The following UGT2A2 variants were observed in gnomAD, a reference collection of about 807,000 sequenced individuals.
UGT2A2 encodes the protein UDP-glucuronosyltransferase 2A2.
UGT2A2 carries 60 observed loss-of-function variants against 50.7 expected under a neutral mutation model. The ratio of observed to expected loss-of-function variants is 1.18; its 90% confidence interval spans 0.96 to 1.47. UGT2A2 has a LOEUF of 1.47. Ranked by LOEUF, UGT2A2 falls within the 40% of genes most tolerant of loss-of-function variation. The probability of loss-of-function intolerance (pLI) is 0.00; values close to 1 mark genes in which losing one functional copy is unlikely to be tolerated. For missense variants in UGT2A2, 762 were observed against 634.0 expected (o/e 1.20, Z -2.17); for synonymous variants, 242 against 214.6 (o/e 1.13, Z -1.11).
intron 1 of UGT2A2, among the ~76,000 whole-genome samples, chr4:69,618,785 G>A (rs887173169): frequency 6.6e-6 from 1 of 151,738 alleles, no homozygotes; most frequent in Non-Finnish European, 1.5e-5. Flanking sequence ...TTAAAAAATA[G>A]AAGTGAACTT....
chr4:69,625,257 G>A (rs1300617509), intron 1 of UGT2A2, among the ~76,000 whole-genome samples: 1 of 150,360 alleles, frequency 6.7e-6, no homozygotes, highest in African/African-American at 2.4e-5. Context: ...TGATTATGAT[G>A]TGATAGAGGC....
chr4:69,598,067 C>T (rs1437479059), intron 2 of UGT2A2, among the ~76,000 whole-genome samples: 1 of 151,984 alleles, frequency 6.6e-6, no homozygotes, highest in African/African-American at 2.4e-5. Flanking sequence ...ATCCAGTGAC[C>T]TATGGATACG....
chr4:69,607,687 A>G (rs1719738567), intron 1 of UGT2A2, among the ~76,000 whole-genome samples: 1 of 152,252 alleles, frequency 6.6e-6, no homozygotes, highest in Admixed American at 6.5e-5. Flanking sequence ...AAGGGCTAAT[A>G]TCCAGAATCT....
chr4:69,632,535 C>T (rs1721443187), intron 1 of UGT2A2, among the ~76,000 whole-genome samples: 1 of 152,038 alleles, frequency 6.6e-6, no homozygotes, highest in South Asian at 2.1e-4. Context: ...AGGAGGGTGG[C>T]AAACTTCTTA....
chr4:69,618,352 T>C (rs1312432504), intron 1 of UGT2A2, among the ~76,000 whole-genome samples: 1 of 80,458 alleles, frequency 1.2e-5, no homozygotes, highest in African/African-American at 4.2e-5. Context: ...CAGGAACTCA[T>C]ACTAATCAAT....
chr4:69,608,620 G>A (rs1358580697), intron 1 of UGT2A2, among the ~76,000 whole-genome samples: 1 of 151,738 alleles, frequency 6.6e-6, no homozygotes, highest in Non-Finnish European at 1.5e-5. Context: ...AGGGAAGAAG[G>A]AAGGAGGGAA....
chr4:69,615,168 C>T (rs1720301229), intron 1 of UGT2A2, among the ~76,000 whole-genome samples: 1 of 151,982 alleles, frequency 6.6e-6, no homozygotes, highest in African/African-American at 2.4e-5. Context: ...ATATCAATCT[C>T]TATCTCTCAC....
chr4:69,598,287 A>C (rs1340236040), intron 2 of UGT2A2, among the ~76,000 whole-genome samples: 1 of 152,152 alleles, frequency 6.6e-6, no homozygotes, highest in Non-Finnish European at 1.5e-5. Flanking sequence ...ACTTTCTAAA[A>C]AGATTACATT....
chr4:69,600,330 G>C (rs1014177536), intron 1 of UGT2A2, among the ~76,000 whole-genome samples: 1 of 152,214 alleles, frequency 6.6e-6, no homozygotes, highest in Non-Finnish European at 1.5e-5. Flanking sequence ...ACAGAGAAAA[G>C]TCACTCCTAA....
rs576765689 is a variant in UGT2A2 at position 69,600,561 on chromosome 4, C to A, written c.743-1167G>T. ...ATGGCCTGAAAGCCACAGTTTCCATCTCAGTGGGTGTGTTAGGCCTTTCTC... is the reference window on the plus strand; with the variant it reads ...ATGGCCTGAAAGCCACAGTTTCCATATCAGTGGGTGTGTTAGGCCTTTCTC... On this transcript the variant is annotated intron_variant, in intron 1 of 5. Coordinates refer to ENST00000604629, the MANE Select transcript of UGT2A2 (RefSeq NM_001105677.2). Among the ~76,000 whole-genome samples the A allele has an allele frequency of 3.9e-3, 587 of 152,290 alleles. 1 individual carries two copies. The highest frequency in any genetic ancestry group is 4.7e-3 in the Non-Finnish European group (319 of 68,016).
chr4:69,602,780 A>G (rs956745558), intron 1 of UGT2A2, among the ~76,000 whole-genome samples: 2 of 137,646 alleles, frequency 1.5e-5, no homozygotes, highest in African/African-American at 2.9e-5. Flanking sequence ...GTTCACAGAT[A>G]AGAAGATCAA....
chr4:69,633,322 A>C (rs1721490088), intron 1 of UGT2A2, among the ~76,000 whole-genome samples: 1 of 152,188 alleles, frequency 6.6e-6, no homozygotes, highest in African/African-American at 2.4e-5. Flanking sequence ...AACAATACCA[A>C]GTGTTGATGA....
chr4:69,605,457 C>CAAG (rs1405757147), intron 1 of UGT2A2, among the ~76,000 whole-genome samples: 1 of 136,626 alleles, frequency 7.3e-6, no homozygotes, highest in Admixed American at 7.2e-5. Flanking sequence ...TAAATGCCCA[C>CAAG]AGAACAGAGC....
At position 69,589,471 on chromosome 4, in the gene UGT2A2, CAAG is replaced by C; in HGVS notation, c.1509_1511del (p.Phe503del). On this transcript the variant is annotated inframe_deletion, in exon 6 of 6. Transcript: ENST00000604629. Reference sequence around the variant, plus strand: ...ATATAGCCGTTGTCACACAGACCAGCAAGAACCCAATTACATCCAAAGAGTGGT... The same window carrying C: ...ATATAGCCGTTGTCACACAGACCAGCAACCCAATTACATCCAAAGAGTGGT... The C allele has an allele frequency of 6.2e-7, 1 of 1,614,042 alleles. No homozygotes were observed. Among genetic ancestry groups the C allele is most frequent in the African/African-American group, 1.3e-5 (1 of 74,998 alleles).
At position 69,603,055 on chromosome 4, in the gene UGT2A2, A is replaced by C. The variant is rs1455512729; in HGVS notation, c.743-3661T>G. Among the ~76,000 whole-genome samples, 7 of 135,622 alleles carry C rather than the reference A, an allele frequency of 5.2e-5. 1 individual carries two copies. Among genetic ancestry groups the C allele is most frequent in the Non-Finnish European group, 1.1e-4 (7 of 64,060 alleles). 89.0% of individuals were successfully genotyped at this position (135,622 alleles called of 152,430 possible). ...GCAATCCACCCTGGGTGACAGAGAG[A>C]GACTCCATCTAAAAAAAATAAAAAA... On this transcript the variant is annotated intron_variant, in intron 1 of 5. Transcript: ENST00000604629.
rs776950354 is a variant in UGT2A2 at position 69,594,489 on chromosome 4, A to G, written c.1319T>C (p.Ile440Thr). 4.3e-6 allele frequency: 7 copies of G among 1,614,178 alleles called. No individual in the cohort carries two copies. In the South Asian group the frequency reaches 7.7e-5, roughly 18 times the overall value. Residue 440 changes from isoleucine to threonine, a missense_variant, in exon 5 of 6, where the codon ATT becomes ACT. By Grantham distance (89) the Ile-to-Thr change is moderately conservative. Coordinates refer to ENST00000604629, the MANE Select transcript of UGT2A2 (RefSeq NM_001105677.2). ...CCTTAGTACTTACGAAGGTTCATTA[A>G]TGACTGTTCTCAAAGCGCTAAGCAA... is the stretch of plus-strand genomic sequence containing the variant. ...VDLLSALRTV[I>T]NEPSYKENAM...
chr4:69,604,841 T>C (rs1452942412), intron 1 of UGT2A2, among the ~76,000 whole-genome samples: 1 of 136,146 alleles, frequency 7.3e-6, no homozygotes, highest in Non-Finnish European at 1.6e-5. Context: ...TACATAATGG[T>C]AAAAGGATCA....
chr4:69,599,659 A>C, intron 1 of UGT2A2: 1 of 343,064 alleles, frequency 2.9e-6, no homozygotes, highest in East Asian at 5.3e-5. Context: ...AGCAAGGAAA[A>C]GTGAGAAAAA....
chr4:69,595,085 G>T, intron 4 of UGT2A2, 77 bp downstream of exon 4: 1 of 1,522,220 alleles, frequency 6.6e-7, no homozygotes, highest in Non-Finnish European at 9.1e-7. Context: ...AAAATGTATT[G>T]AATTTATTTG....
Sources: allele counts gnomAD v4.1 joint callset (sites outside exome capture counted in the v4.1 genomes callset), GRCh38; gene constraint gnomAD v4.1.1; transcripts MANE v1.5; gene names NCBI Gene and HGNC (gene_info 2026-07-23, HGNC 2026-07-21).